FBN1: variants seen among roughly 807,000 people sequenced by gnomAD.
FBN1 encodes the protein fibrillin 1, also known as fibrillin-1.
Under a neutral mutation model 365.1 loss-of-function variants are expected in FBN1, and 29 were observed. The observed-to-expected ratio is 0.08, with a 90% confidence interval of 0.06 to 0.11. The LOEUF is 0.11. FBN1 is among the 10% of genes least tolerant of loss of function. FBN1 has a pLI of 1.00. For missense variants in FBN1, 2,476 were observed against 3,703.2 expected (o/e 0.67, Z 8.60); for synonymous variants, 1,210 against 1,270.5 (o/e 0.95, Z 1.01).
Position 48,437,341 on chromosome 15 carries a change from T to A in FBN1, c.6360A>T (p.Gly2120=). 6.2e-7 allele frequency: 1 copy of A among 1,613,538 alleles called. No homozygotes were observed. The highest frequency in any genetic ancestry group is 8.5e-7 in the Non-Finnish European group (1 of 1,179,622). ...ICPYGSGIIV[G]PDDSAVDMDE... Reference sequence around the variant, plus strand: ...ACTGACCAACTGCTGAATCATCAGGTCCCACGATGATCCCACTTCCATAAG... The same window carrying A: ...ACTGACCAACTGCTGAATCATCAGGACCCACGATGATCCCACTTCCATAAG... The change falls in exon 52 of 66, where the codon GGA becomes GGT. Residue 2120 remains glycine (G), a synonymous_variant. Coordinates refer to ENST00000316623, the MANE Select transcript of FBN1 (RefSeq NM_000138.5).
intron 15 of FBN1, among the ~76,000 whole-genome samples, chr15:48,506,669 C>T (rs2043710377): frequency 6.6e-6 from 1 of 152,212 alleles, no homozygotes; most frequent in South Asian, 2.1e-4. Context: ...GATGAGTTAA[C>T]TGTGGAGACT....
chr15:48,578,349 T>C (rs889581197), intron 6 of FBN1, among the ~76,000 whole-genome samples: 73 of 152,212 alleles, frequency 4.8e-4, no homozygotes, highest in African/African-American at 1.7e-3. Context: ...TAATGTTATT[T>C]TTTCAGGCTG....
At chr15:48,561,234 T>G (rs1218883598) in intron 6 of FBN1, among the ~76,000 whole-genome samples, 1 of 152,222 alleles carries the variant, frequency 6.6e-6, no homozygotes, top group Admixed American at 6.5e-5. Context: ...TTCCTGGCTC[T>G]GCCCTTTGGA....
intron 65 of FBN1, among the ~76,000 whole-genome samples, chr15:48,411,830 T>C (rs963736885): frequency 1.3e-5 from 2 of 152,260 alleles, no homozygotes; most frequent in African/African-American, 2.4e-5. Flanking sequence ...CAAAGACTTA[T>C]CTCATTTCTT....
At chr15:48,615,939 G>A (rs1889643043) in intron 2 of FBN1, among the ~76,000 whole-genome samples, 1 of 152,154 alleles carries the variant, frequency 6.6e-6, no homozygotes, top group Non-Finnish European at 1.5e-5. Flanking sequence ...AGAACCCGGG[G>A]AAGCAGAGAG....
At chr15:48,593,068 A>T (rs545753471) in intron 6 of FBN1, among the ~76,000 whole-genome samples, 13 of 152,344 alleles carry the variant, frequency 8.5e-5, no homozygotes, top group African/African-American at 3.1e-4. Context: ...TAATTGCTTT[A>T]TAATCTTATT....
Position 48,415,617 on chromosome 15 carries a change from G to A in FBN1, c.7970C>T (p.Ala2657Val), listed in dbSNP as rs546452543. 5 of 1,614,236 alleles carry A rather than the reference G, an allele frequency of 3.1e-6. No homozygotes were observed. In the African/African-American group the frequency reaches 5.3e-5, roughly 17 times the overall value. ...QDINECGSAQ[A>V]PCSYGCSNTE... ...ATTGGAACAGCCATAGCTGCAGGGG[G>A]CCTGCGCAGAGCCACATTCATTGAT... The change falls in exon 64 of 66, where the codon GCC becomes GTC. Residue 2657 changes from alanine to valine, a missense_variant. Physicochemically the swap from Ala to Val is moderately conservative, Grantham distance 64. Transcript: ENST00000316623.
intron 6 of FBN1, among the ~76,000 whole-genome samples, chr15:48,569,139 A>C (rs189868280): frequency 1.2e-4 from 19 of 152,256 alleles, no homozygotes; most frequent in Admixed American, 1.0e-3. Flanking sequence ...ACTCAATAAG[A>C]AGATAACCCA....
intron 13 of FBN1, 33 bp downstream of exon 13, chr15:48,513,516 T>C: frequency 6.2e-7 from 1 of 1,613,800 alleles, no homozygotes; most frequent in Non-Finnish European, 8.5e-7. Context: ...AGCATATATG[T>C]CCCACATTCC....
Position 48,506,128 on chromosome 15 carries a change from C to T in FBN1, c.1838-981G>A, listed in dbSNP as rs112259842. ...ATCCCAGCAACTTGGGAGGCTGAGG[C>T]GCAAGAATTACTTGAACCCAGGAAG... On this transcript the variant is annotated intron_variant, in intron 15 of 65. Coordinates refer to ENST00000316623, the MANE Select transcript of FBN1 (RefSeq NM_000138.5). Among the ~76,000 whole-genome samples the T allele has an allele frequency of 4.9e-3, 739 of 152,128 alleles. 6 individuals carry two copies. Among genetic ancestry groups the T allele is most frequent in the African/African-American group, 0.017 (694 of 41,482 alleles).
chr15:48,474,778 C>G, intron 32 of FBN1, 128 bp from the exon 33 acceptor site: 1 of 1,134,120 alleles, frequency 8.8e-7, no homozygotes, highest in East Asian at 2.5e-5. Flanking sequence ...GGTTTTGCAT[C>G]CATATATAAA....
intron 8 of FBN1, among the ~76,000 whole-genome samples, chr15:48,527,612 T>C (rs1442914727): frequency 2.6e-5 from 4 of 152,214 alleles, no homozygotes; most frequent in Non-Finnish European, 4.4e-5. Context: ...TAAGACAAAA[T>C]AGAGTTCTAA....
chr15:48,485,447 T>C lies in FBN1; in HGVS notation c.3639A>G (p.Thr1213=). The C allele has an allele frequency of 6.2e-7, 1 of 1,614,216 alleles. No homozygotes were observed. The highest frequency in any genetic ancestry group is 8.5e-7 in the Non-Finnish European group (1 of 1,180,010). Residue 1213 remains threonine, a synonymous_variant, in exon 30 of 66, where the codon ACA becomes ACG. Coordinates refer to ENST00000316623, the MANE Select transcript of FBN1 (RefSeq NM_000138.5). The part of the protein sequence containing the change: ...IMNGGCETFC[T]NSEGSYECSC... ...TACATTCATAGCTGCCTTCAGAGTT[T>C]GTGCAGAAGGTTTCACAACCACCAT...
chr15:48,544,080 A>G (rs1183397164), intron 6 of FBN1, among the ~76,000 whole-genome samples: 2 of 152,150 alleles, frequency 1.3e-5, no homozygotes, highest in Admixed American at 1.3e-4. Context: ...TATACTTTAT[A>G]TTATTCCTTC....
Position 48,420,788 on chromosome 15 carries a change from C to T in FBN1, c.7718G>A (p.Gly2573Asp). ...GCAGCCATGCTGGCAGCGGTGGTTA[C>T]CCTCACACTCGTCCACGTCTGAAAA... is the stretch of plus-strand genomic sequence containing the variant. ...SSCEDVDECE[G>D]NHRCQHGCQN... is the part of the protein sequence containing the mutation. The change falls in exon 63 of 66, where the codon GGT (glycine) becomes GAT (aspartate). Residue 2573 changes from glycine to aspartate, a missense_variant. Physicochemically the swap from Gly to Asp is moderately conservative, Grantham distance 94 (BLOSUM62 -1). Coordinates refer to ENST00000316623, the MANE Select transcript of FBN1 (RefSeq NM_000138.5). 6.2e-7 allele frequency: 1 copy of T among 1,614,024 alleles called. No homozygotes were observed. Among genetic ancestry groups the T allele is most frequent in the Non-Finnish European group, 8.5e-7 (1 of 1,179,994 alleles).
chr15:48,421,238 C>T (rs1165035952), intron 62 of FBN1, among the ~76,000 whole-genome samples: 2 of 152,166 alleles, frequency 1.3e-5, no homozygotes, highest in Non-Finnish European at 2.9e-5. Context: ...CTTTATGGCT[C>T]TGGACCCAGT....
chr15:48,452,479 A>C (rs1318189727), intron 45 of FBN1, 83 bp downstream of exon 45: 3 of 1,506,934 alleles, frequency 2.0e-6, no homozygotes, highest in Non-Finnish European at 2.8e-6. Flanking sequence ...CAGCTTAACT[A>C]TCTGAAAATA....
At chr15:48,633,663 G>A (rs1890034559) in intron 2 of FBN1, among the ~76,000 whole-genome samples, 2 of 152,028 alleles carry the variant, frequency 1.3e-5, no homozygotes, top group Non-Finnish European at 1.5e-5. Flanking sequence ...ACCCCTTCAG[G>A]GCTGACCGCT....
At chr15:48,636,289 G>A (rs889691872) in intron 2 of FBN1, among the ~76,000 whole-genome samples, 15 of 152,154 alleles carry the variant, frequency 9.9e-5, no homozygotes, top group African/African-American at 2.9e-4. Flanking sequence ...GAGAGGCCAC[G>A]TATAGAAAGG....
Sources: allele counts gnomAD v4.1 joint callset (sites outside exome capture counted in the v4.1 genomes callset), GRCh38; gene constraint gnomAD v4.1.1; transcripts MANE v1.5; gene names NCBI Gene and HGNC (gene_info 2026-07-23, HGNC 2026-07-21).